Variants in USP33 observed in about 807,000 individuals in gnomAD.
The protein encoded by USP33 is ubiquitin specific peptidase 33.
Under a neutral mutation model 124.2 loss-of-function variants are expected in USP33, and 46 were observed. The observed-to-expected ratio is 0.37, with a 90% confidence interval of 0.29 to 0.47. The LOEUF is 0.47. Among genes scored for constraint, USP33 ranks in the 20% least tolerant of loss-of-function variants. USP33 has a pLI of 0.99. For missense variants in USP33, 851 were observed against 1,070.6 expected, an observed-to-expected ratio of 0.79 and a Z score of 2.86; for synonymous variants, 350 against 352.3, an observed-to-expected ratio of 0.99 and a Z score of 0.07.
intron 12 of USP33, 124 bp downstream of exon 12, chr1:77,723,207 C>T: frequency 1.3e-6 from 1 of 772,432 alleles, no homozygotes; most frequent in Middle Eastern, 2.4e-4. Flanking sequence ...GATGTAAACA[C>T]AATAAATGCA....
At chr1:77,715,145 G>A (rs1167279733) in intron 18 of USP33, among the ~76,000 whole-genome samples, 3 of 151,874 alleles carry the variant, frequency 2.0e-5, no homozygotes, top group Admixed American at 2.0e-4. Context: ...TAGCTACTTT[G>A]GGAGAAAATT....
rs142624483 is a variant in USP33, at chr1:77,715,834, T to C, written c.1953A>G (p.Leu651=). 7.1e-5 allele frequency: 115 copies of C among 1,613,946 alleles called. No homozygotes were observed. The highest frequency in any genetic ancestry group is 9.0e-5 in the Non-Finnish European group (106 of 1,179,944). The stretch of plus-strand genomic sequence containing the variant: ...CATCAAATTCATACCAGAGATTATT[T>C]AGATTGTTTCGGCAGTAGGCTATAT... ...GHYIAYCRNN[L]NNLWYEFDDQ... The change falls in exon 18 of 24, where the codon CTA becomes CTG. Residue 651 remains leucine, a synonymous_variant. Transcript: ENST00000370794.
chr1:77,717,094 T>A (rs1248671568), intron 17 of USP33, among the ~76,000 whole-genome samples: 3 of 152,066 alleles, frequency 2.0e-5, no homozygotes, highest in Non-Finnish European at 4.4e-5. Flanking sequence ...CACGAACTCC[T>A]GACTTCAGAT....
intron 23 of USP33, 171 bp downstream of exon 23, chr1:77,697,692 G>T: frequency 2.3e-6 from 2 of 886,256 alleles, no homozygotes; most frequent in Non-Finnish European, 3.4e-6. Context: ...ACAGCCTTAA[G>T]ACCTTTCCTC....
intron 1 of USP33, 47 bp from the exon 2 acceptor site, chr1:77,741,795 T>C (rs1276809556): frequency 7.3e-6 from 11 of 1,499,664 alleles, no homozygotes; most frequent in South Asian, 2.7e-5. Context: ...ATGCTTACAA[T>C]GCCTGCAAAG....
chr1:77,740,751 TA>T, intron 4 of USP33, 125 bp downstream of exon 4: 1 of 689,956 alleles, frequency 1.4e-6, no homozygotes, highest in Non-Finnish European at 2.6e-6. Flanking sequence ...ACAGAGAATG[TA>T]AGTGAAGTTT....
At position 77,752,602 on chromosome 1, in the gene USP33, T is replaced by C. The variant is rs549370845; in HGVS notation, c.-52+7041A>G. 3.9e-5 allele frequency among the ~76,000 whole-genome samples: 6 copies of C among 152,286 alleles called. No individual in the cohort carries two copies. In the South Asian group the frequency reaches 8.3e-4, roughly 21 times the overall value. On this transcript the variant is annotated intron_variant, in intron 1 of 23. Transcript: ENST00000370794. ...AAAAAAATTATGTCAGAAGGATTGG[T>C]AGCTATTTAATAGTTACATATAAGA... is the stretch of plus-strand genomic sequence containing the variant.
chr1:77,706,131 T>C (rs1308428144), intron 21 of USP33, among the ~76,000 whole-genome samples: 1 of 152,240 alleles, frequency 6.6e-6, no homozygotes, highest in African/African-American at 2.4e-5. Context: ...TTTACATGTT[T>C]TATGTTAACA....
At chr1:77,716,190 T>C (rs1675875742) in intron 17 of USP33, among the ~76,000 whole-genome samples, 1 of 152,108 alleles carries the variant, frequency 6.6e-6, no homozygotes, top group African/African-American at 2.4e-5. Context: ...TCCTGAGTAA[T>C]TGGAACTACA....
intron 22 of USP33, among the ~76,000 whole-genome samples, chr1:77,699,894 G>A (rs1452855588): frequency 6.6e-6 from 1 of 152,164 alleles, no homozygotes; most frequent in African/African-American, 2.4e-5. Flanking sequence ...CCTATGCAGG[G>A]ACATGGATGG....
In USP33 at chr1:77,719,475, C is replaced by T. The variant is rs1676307066; in HGVS notation, c.1692-834G>A. 6.6e-5 allele frequency among the ~76,000 whole-genome samples: 10 copies of T among 152,306 alleles called. No individual in the cohort carries two copies. The South Asian group carries it at 2.1e-3, about 32-fold the overall frequency. ...AAATGTGCTACTGTCTGTGGTGTGGCTATGCCTTTAAAACATCTAGATATT... is the reference window on the plus strand; with the variant it reads ...AAATGTGCTACTGTCTGTGGTGTGGTTATGCCTTTAAAACATCTAGATATT... On this transcript the variant is annotated intron_variant, in intron 15 of 23. Transcript: ENST00000370794.
At chr1:77,745,852 T>C (rs984971148) in intron 1 of USP33, among the ~76,000 whole-genome samples, 5 of 152,160 alleles carry the variant, frequency 3.3e-5, no homozygotes, top group Admixed American at 1.3e-4. Context: ...AGACACAACA[T>C]ACCAGAATCT....
At chr1:77,725,455 G>C (rs1677054520) in intron 11 of USP33, among the ~76,000 whole-genome samples, 167 bp downstream of exon 11, 1 of 152,158 alleles carries the variant, frequency 6.6e-6, no homozygotes, top group Non-Finnish European at 1.5e-5. Context: ...TTTAAAAGCA[G>C]AGTACCAACA....
rs944037577 is a variant in USP33, at chr1:77,697,541, T to C, written c.2579-67A>G. 5.8e-5 allele frequency: 87 copies of C among 1,497,534 alleles called. No individual in the cohort carries two copies. The African/African-American group carries it at 1.1e-3, about 18-fold the overall frequency. 92.8% of individuals were successfully genotyped at this position (1,497,534 alleles called of 1,614,324 possible). ...ATTCATATTGCAAAAGCGTTCATAA[T>C]GTACCCCCCAGCATGAATCTTCTCG... is the stretch of plus-strand genomic sequence containing the variant. On this transcript the variant is annotated intron_variant, in intron 23 of 23. Transcript: ENST00000370794.
At chr1:77,716,858 T>C (rs1170065398) in intron 17 of USP33, among the ~76,000 whole-genome samples, 1 of 150,090 alleles carries the variant, frequency 6.7e-6, no homozygotes, top group Non-Finnish European at 1.5e-5. Flanking sequence ...GAAAACATAT[T>C]CTTTTTTTTC....
chr1:77,708,412 A>G (rs143111977), intron 21 of USP33, among the ~76,000 whole-genome samples: 2 of 152,314 alleles, frequency 1.3e-5, no homozygotes, highest in African/African-American at 4.8e-5. Context: ...AAAGAATCCA[A>G]TCTCACTTAG....
chr1:77,746,677 C>CA (rs1345862574), intron 1 of USP33: 1 of 152,174 alleles, frequency 6.6e-6, no homozygotes, highest in Non-Finnish European at 1.5e-5. Flanking sequence ...AAAGCTTATC[C>CA]ACCACGATCA....
chr1:77,720,708 T>C, intron 15 of USP33: 1 of 749,932 alleles, frequency 1.3e-6, no homozygotes. Flanking sequence ...TCTAAATTGA[T>C]TACAAGACAG....
At chr1:77,703,930 G>C (rs373207870) in intron 21 of USP33, among the ~76,000 whole-genome samples, 1 of 152,006 alleles carries the variant, frequency 6.6e-6, no homozygotes, top group Non-Finnish European at 1.5e-5. Context: ...TGATGTGGGG[G>C]ATCTCTTGAG....
Sources: allele counts gnomAD v4.1 joint callset (sites outside exome capture counted in the v4.1 genomes callset), GRCh38; gene constraint gnomAD v4.1.1; transcripts MANE v1.5; gene names NCBI Gene and HGNC (gene_info 2026-07-23, HGNC 2026-07-21).